KLF12: variants seen among roughly 807,000 people sequenced by gnomAD.
KLF12 encodes Krueppel-like factor 12.
Under a neutral mutation model 37.8 loss-of-function variants are expected in KLF12, and 9 were observed. That is an observed-to-expected ratio of 0.24 (90% CI 0.14 to 0.42). The LOEUF is 0.42. Ranked by LOEUF, KLF12 falls within the 10% of genes least tolerant of loss-of-function variation. The probability of loss-of-function intolerance (pLI) is 1.00; values close to 1 mark genes in which losing one functional copy is unlikely to be tolerated. For synonymous variants in KLF12, 208 were observed against 202.1 expected, an observed-to-expected ratio of 1.03 and a Z score of -0.25; for missense variants, 411 against 516.0, an observed-to-expected ratio of 0.80 and a Z score of 1.97.
chr13:74,165,094 ATGG>A, the KLF12 span, among the ~76,000 whole-genome samples: 4 of 152,180 alleles, frequency 2.6e-5, no homozygotes, highest in African/African-American at 4.8e-5. Context: ...GCCTGAGGTG[ATGG>A]ATACCCCATT....
chr13:73,711,275 A>T (rs1875377739), intron 7 of KLF12, among the ~76,000 whole-genome samples: 1 of 152,244 alleles, frequency 6.6e-6, no homozygotes, highest in African/African-American at 2.4e-5. Flanking sequence ...AGCTAAGATC[A>T]CTGATGAAGG....
At chr13:74,050,405 G>C (rs1054233941) in intron 1 of KLF12, among the ~76,000 whole-genome samples, 3 of 152,282 alleles carry the variant, frequency 2.0e-5, no homozygotes, top group Middle Eastern at 3.4e-3. Flanking sequence ...GCAAAGAAGA[G>C]AGTACACAAA....
intron 5 of KLF12, among the ~76,000 whole-genome samples, chr13:73,811,806 T>C (rs1447769221): frequency 6.6e-6 from 1 of 152,218 alleles, no homozygotes; most frequent in Non-Finnish European, 1.5e-5. Flanking sequence ...ATATGTATAT[T>C]CATATACAAT....
intron 6 of KLF12, among the ~76,000 whole-genome samples, chr13:73,724,315 CA>C (rs1425002542): frequency 3.9e-5 from 6 of 152,170 alleles, no homozygotes; most frequent in Non-Finnish European, 8.8e-5. Flanking sequence ...TGCATGTTCT[CA>C]GTCATAAGTG....
chr13:74,127,199 A>G (rs1304227891), intron 1 of KLF12, among the ~76,000 whole-genome samples: 2 of 152,222 alleles, frequency 1.3e-5, no homozygotes, highest in South Asian at 4.1e-4. Flanking sequence ...AGCCATCAAT[A>G]CACTAGAGCA....
chr13:73,695,813 C>T (rs548985215), intron 7 of KLF12, 142 bp from the exon 8 acceptor site: 6 of 770,712 alleles, frequency 7.8e-6, no homozygotes, highest in South Asian at 3.5e-5. Flanking sequence ...TACCATCCCA[C>T]CAGCGGTCTG....
the KLF12 span, chr13:74,258,161 TTGTGTGTG>T: frequency 0.04 from 5,299 of 133,906 alleles, 155 homozygotes; most frequent in African/African-American, 0.09. Context: ...ATTACTGTGT[TTGTGTGTG>T]TGTGTGTGTG....
chr13:74,288,718 A>G, the KLF12 span, among the ~76,000 whole-genome samples: 1 of 152,194 alleles, frequency 6.6e-6, no homozygotes, highest in African/African-American at 2.4e-5. Flanking sequence ...GCCGCTCTAG[A>G]CAACTTGTTG....
At chr13:73,823,418 G>A (rs1215074868) in intron 4 of KLF12, among the ~76,000 whole-genome samples, 1 of 152,162 alleles carries the variant, frequency 6.6e-6, no homozygotes, top group Non-Finnish European at 1.5e-5. Context: ...AAAAAGCAAG[G>A]GGTGGGCGGA....
At chr13:73,816,116 C>G (rs779426403) in intron 4 of KLF12, among the ~76,000 whole-genome samples, 9 of 152,314 alleles carry the variant, frequency 5.9e-5, no homozygotes, top group Non-Finnish European at 1.3e-4. Flanking sequence ...TTTTCAAAAT[C>G]TGCATTGCTG....
At chr13:74,269,906 A>T in the KLF12 span, among the ~76,000 whole-genome samples, 1 of 152,168 alleles carries the variant, frequency 6.6e-6, no homozygotes, top group Non-Finnish European at 1.5e-5. Context: ...AGGTGACATT[A>T]GTGTTGTTGG....
chr13:74,299,140 A>T, the KLF12 span, among the ~76,000 whole-genome samples: 1 of 152,224 alleles, frequency 6.6e-6, no homozygotes, highest in Non-Finnish European at 1.5e-5. Flanking sequence ...AGGCTGACAC[A>T]TGTTTTGGGC....
At chr13:73,946,607 T>A (rs1890435687) in intron 2 of KLF12, among the ~76,000 whole-genome samples, 2 of 152,168 alleles carry the variant, frequency 1.3e-5, no homozygotes, top group African/African-American at 4.8e-5. Flanking sequence ...ACATTCTCGA[T>A]TTTTTTAAGA....
intron 3 of KLF12, among the ~76,000 whole-genome samples, chr13:73,857,265 T>C (rs1310306385): frequency 1.3e-5 from 2 of 152,144 alleles, no homozygotes; most frequent in South Asian, 2.1e-4. Flanking sequence ...CTGATTTAAA[T>C]AGCACTGTAT....
the KLF12 span, among the ~76,000 whole-genome samples, chr13:74,285,159 G>C: frequency 6.6e-6 from 1 of 151,710 alleles, no homozygotes; most frequent in South Asian, 2.1e-4. Flanking sequence ...AAGATCAAAT[G>C]CCTATAGCCA....
chr13:74,109,231 AC>A (rs1197047193), intron 1 of KLF12, among the ~76,000 whole-genome samples: 1 of 152,150 alleles, frequency 6.6e-6, no homozygotes, highest in Non-Finnish European at 1.5e-5. Context: ...GAAATTTTTA[AC>A]ATATATTATC....
At chr13:73,789,638 G>T (rs939522910) in intron 5 of KLF12, among the ~76,000 whole-genome samples, 2 of 151,186 alleles carry the variant, frequency 1.3e-5, no homozygotes, top group Non-Finnish European at 1.5e-5. Context: ...TTAGGGCTAG[G>T]TTTGGACTCT....
intron 1 of KLF12, among the ~76,000 whole-genome samples, chr13:74,084,656 T>C (rs1488241528): frequency 2.0e-5 from 3 of 152,218 alleles, no homozygotes; most frequent in Non-Finnish European, 4.4e-5. Flanking sequence ...AATAACAGTG[T>C]TCCGTTTGAG....
At chr13:74,304,512 A>G in the KLF12 span, among the ~76,000 whole-genome samples, 3 of 152,160 alleles carry the variant, frequency 2.0e-5, no homozygotes, top group African/African-American at 7.2e-5. Context: ...AAAAATGGAA[A>G]ATGAGTTATG....
Sources: gnomAD v4.1 joint callset for allele counts (sites outside exome capture counted in the v4.1 genomes callset) on GRCh38, gnomAD v4.1.1 for gene constraint, MANE v1.5 for transcripts, NCBI Gene and HGNC (gene_info 2026-07-23, HGNC 2026-07-21) for gene names.